MTR: variants seen among roughly 807,000 people sequenced by gnomAD.
The protein encoded by MTR is 5-methyltetrahydrofolate-homocysteine methyltransferase, also known as methionine synthase.
MTR carries 84 observed loss-of-function variants against 154.8 expected under a neutral mutation model. The ratio of observed to expected loss-of-function variants is 0.54; its 90% CI spans 0.45 to 0.65. The LOEUF is 0.65. MTR is among the 30% of genes least tolerant of loss of function. The pLI, the probability that MTR is intolerant of heterozygous loss-of-function variation, is 0.00. For missense variants in MTR, 1,275 were observed against 1,570.2 expected (o/e 0.81, Z 3.18); for synonymous variants, 554 against 553.9 (o/e 1.00, Z 0.00).
chr1:236,798,934 A>T (rs1233056416), intron 1 of MTR, among the ~76,000 whole-genome samples: 1 of 152,208 alleles, frequency 6.6e-6, no homozygotes, highest in Non-Finnish European at 1.5e-5. Context: ...GGTGAATTAG[A>T]ATGGTAATTA....
Position 236,824,185 on chromosome 1 carries a change from T to C in MTR, c.831T>C (p.Cys277=). The part of the protein sequence containing the change: ...MRPFIEIIGK[C]TTAYVLCYPN... ...CTTTTATTGAAATAATTGGAAAATG[T>C]ACAACAGCCTATGTCCTCTGTTATC... Residue 277 remains cysteine, a synonymous_variant, in exon 9 of 33, where the codon TGT becomes TGC. Coordinates refer to ENST00000366577, the MANE Select transcript of MTR (RefSeq NM_000254.3). 1.2e-6 allele frequency: 2 copies of C among 1,614,128 alleles called. No individual in the cohort carries two copies. The highest frequency in any genetic ancestry group is 1.7e-6 in the Non-Finnish European group (2 of 1,179,980).
At chr1:236,798,311 T>C (rs1008961982) in intron 1 of MTR, among the ~76,000 whole-genome samples, 2 of 152,220 alleles carry the variant, frequency 1.3e-5, no homozygotes, top group Non-Finnish European at 2.9e-5. Flanking sequence ...TATTAGGAAT[T>C]TATTTGTTTA....
Position 236,896,988 on chromosome 1 carries a change from C to G in MTR, c.3599-18C>G. 1 of 1,583,152 alleles carries G rather than the reference C, an allele frequency of 6.3e-7. No homozygotes were observed. The highest frequency in any genetic ancestry group is 8.7e-7 in the Non-Finnish European group (1 of 1,151,910). ...GACACTGAGTCCATAAGCATTTTCC[C>G]TGTGTTGCTCCCTCTAGGCATTAGG... On this transcript the variant is annotated intron_variant, in intron 31 of 32. Coordinates refer to ENST00000366577, the MANE Select transcript of MTR (RefSeq NM_000254.3).
At chr1:236,892,462 A>G (rs1399352085) in intron 29 of MTR, among the ~76,000 whole-genome samples, 1 of 152,192 alleles carries the variant, frequency 6.6e-6, no homozygotes, top group Non-Finnish European at 1.5e-5. Flanking sequence ...AACCTGGGCA[A>G]CAGAGTGAGA....
Position 236,886,343 on chromosome 1 carries a change from G to A in MTR, c.2827G>A (p.Asp943Asn). 2 of 1,614,174 alleles carry A rather than the reference G, an allele frequency of 1.2e-6. No homozygotes were observed. Among genetic ancestry groups the A allele is most frequent in the Non-Finnish European group, 1.7e-6 (2 of 1,180,026 alleles). Residue 943 changes from aspartate (D) to asparagine (N), a missense_variant, in exon 27 of 33, where the codon GAT becomes AAT. Transcript: ENST00000366577. ...AGCCAGAAAAAGTGGTTTCCAAATGGATTGGCTGTCTGAACCTCACCCAGG... is the reference window on the plus strand; with the variant it reads ...AGCCAGAAAAAGTGGTTTCCAAATGAATTGGCTGTCTGAACCTCACCCAGG... Reference protein sequence around the residue: ...SQARKSGFQMDWLSEPHPVKP... With the variant: ...SQARKSGFQMNWLSEPHPVKP...
intron 18 of MTR, among the ~76,000 whole-genome samples, chr1:236,854,831 A>G (rs191466115): frequency 6.6e-6 from 1 of 152,266 alleles, no homozygotes; most frequent in African/African-American, 2.4e-5. Context: ...TCATTTCTGT[A>G]TGTCATGCTG....
In MTR at chr1:236,822,048, C is replaced by T. The variant is rs552935910; in HGVS notation, c.765-2071C>T. ...GTGTTGGCTGTTCTGGGTCTTTTGT[C>T]TCGCCATATAAACTTTAGAATCAGT... is the stretch of plus-strand genomic sequence containing the variant. On this transcript the variant is annotated intron_variant, in intron 8 of 32. Transcript: ENST00000366577. Among the ~76,000 whole-genome samples, 43 of 152,204 alleles carry T rather than the reference C, an allele frequency of 2.8e-4. No individual in the cohort carries two copies. The South Asian group carries it at 5.0e-3, about 18-fold the overall frequency.
At chr1:236,896,883 C>T (rs1666653937) in intron 31 of MTR, 123 bp from the exon 32 acceptor site, 1 of 788,596 alleles carries the variant, frequency 1.3e-6, no homozygotes, top group Non-Finnish European at 2.3e-6. Flanking sequence ...CATGTGTCTA[C>T]CTAGAAGGCA....
chr1:236,837,955 GT>G (rs1005352122), intron 14 of MTR, among the ~76,000 whole-genome samples: 1 of 150,844 alleles, frequency 6.6e-6, no homozygotes, highest in African/African-American at 2.4e-5. Context: ...CTCTTTTTTT[GT>G]TTTTTTTCAG....
At chr1:236,886,544 C>T (rs1378546411) in intron 27 of MTR, among the ~76,000 whole-genome samples, 177 bp downstream of exon 27, 1 of 152,190 alleles carries the variant, frequency 6.6e-6, no homozygotes, top group East Asian at 1.9e-4. Context: ...ATTTATGGAG[C>T]AGGTGTTGTG....
At chr1:236,890,815 G>A (rs1248296845) in intron 28 of MTR, among the ~76,000 whole-genome samples, 1 of 152,204 alleles carries the variant, frequency 6.6e-6, no homozygotes, top group Non-Finnish European at 1.5e-5. Context: ...GAGGAATGTG[G>A]CCTGCTCTTT....
At chr1:236,846,143 A>T (rs566216838) in intron 15 of MTR, among the ~76,000 whole-genome samples, 2 of 152,194 alleles carry the variant, frequency 1.3e-5, no homozygotes, top group African/African-American at 4.8e-5. Context: ...AAACATTTCT[A>T]TGTTTTTTGT....
chr1:236,802,421 A>G (rs1420528324), intron 1 of MTR, among the ~76,000 whole-genome samples: 1 of 152,116 alleles, frequency 6.6e-6, no homozygotes, highest in Non-Finnish European at 1.5e-5. Flanking sequence ...GGAGGAAGCC[A>G]TGTCAGAAGG....
At chr1:236,838,916 T>C (rs1313131035) in intron 15 of MTR, among the ~76,000 whole-genome samples, 1 of 152,220 alleles carries the variant, frequency 6.6e-6, no homozygotes. Flanking sequence ...GTGTGTTGTT[T>C]CTATGTTATA....
At chr1:236,833,532 C>T (rs1180056213) in intron 13 of MTR, among the ~76,000 whole-genome samples, 1 of 152,100 alleles carries the variant, frequency 6.6e-6, no homozygotes, top group African/African-American at 2.4e-5. Flanking sequence ...AATGATAGAA[C>T]CCAAGTCTCC....
chr1:236,887,505 G>C (rs536828250), intron 27 of MTR, among the ~76,000 whole-genome samples: 39 of 152,360 alleles, frequency 2.6e-4, no homozygotes, highest in Non-Finnish European at 4.3e-4. Flanking sequence ...CCGATTATTT[G>C]CTCTGTATCT....
chr1:236,867,648 A>G (rs1051531805), intron 22 of MTR, among the ~76,000 whole-genome samples: 1 of 152,224 alleles, frequency 6.6e-6, no homozygotes, highest in Non-Finnish European at 1.5e-5. Context: ...TCTAGATGCC[A>G]TTAAGAACAT....
intron 18 of MTR, among the ~76,000 whole-genome samples, chr1:236,857,102 C>A (rs1038523251): frequency 6.6e-6 from 1 of 152,188 alleles, no homozygotes; most frequent in Non-Finnish European, 1.5e-5. Context: ...TGAGGAATCG[C>A]TGCACTGCCT....
intron 29 of MTR, among the ~76,000 whole-genome samples, chr1:236,893,651 T>A (rs189966323): frequency 2.8e-4 from 43 of 152,370 alleles, no homozygotes; most frequent in Middle Eastern, 3.4e-3. Flanking sequence ...TTTATTGATT[T>A]TTTTAATATG....
Sources: gnomAD v4.1 joint callset for allele counts (sites outside exome capture counted in the v4.1 genomes callset) on GRCh38, gnomAD v4.1.1 for gene constraint, MANE v1.5 for transcripts, NCBI Gene and HGNC (gene_info 2026-07-23, HGNC 2026-07-21) for gene names.